CCSER1: variants seen among roughly 807,000 people sequenced by gnomAD.
The protein encoded by CCSER1 is coiled-coil serine rich protein 1.
CCSER1 carries 41 observed loss-of-function variants against 82.0 expected under a neutral mutation model. The ratio of observed to expected loss-of-function variants is 0.50; its 90% CI spans 0.39 to 0.65. CCSER1 has a LOEUF of 0.65. Ranked by LOEUF, CCSER1 falls within the 30% of genes least tolerant of loss-of-function variation. The pLI is 0.00. For missense variants in CCSER1, 1,119 were observed against 1,064.2 expected (o/e 1.05, Z -0.72); for synonymous variants, 414 against 383.9 (o/e 1.08, Z -0.92).
intron 1 of CCSER1, among the ~76,000 whole-genome samples, chr4:90,295,519 G>A (rs964932547): frequency 1.3e-5 from 2 of 151,764 alleles, no homozygotes; most frequent in Non-Finnish European, 2.9e-5. Flanking sequence ...GCTCATAGGA[G>A]TTCTTTCTAT....
chr4:91,346,528 G>A (rs1748072116), intron 10 of CCSER1, among the ~76,000 whole-genome samples: 1 of 152,140 alleles, frequency 6.6e-6, no homozygotes, highest in Non-Finnish European at 1.5e-5. Context: ...TGGATCCTAT[G>A]ATAAGAGTGT....
At chr4:91,488,921 A>G (rs536856316) in intron 10 of CCSER1, among the ~76,000 whole-genome samples, 2 of 152,212 alleles carry the variant, frequency 1.3e-5, no homozygotes, top group African/African-American at 2.4e-5. Flanking sequence ...AAACAAACAT[A>G]CAATTTGTTA....
chr4:91,366,346 C>G (rs1749615443), intron 10 of CCSER1, among the ~76,000 whole-genome samples: 1 of 152,156 alleles, frequency 6.6e-6, no homozygotes, highest in Admixed American at 6.5e-5. Flanking sequence ...CCTGCTAGGA[C>G]TTTGTCATAT....
chr4:90,864,121 C>T (rs1413829150), intron 8 of CCSER1, among the ~76,000 whole-genome samples: 7 of 151,636 alleles, frequency 4.6e-5, no homozygotes, highest in Admixed American at 4.6e-4. Context: ...GGGCTAGGAT[C>T]CTCCCATATT....
chr4:90,536,601 T>C (rs1027198158), intron 5 of CCSER1, among the ~76,000 whole-genome samples: 2 of 152,202 alleles, frequency 1.3e-5, no homozygotes, highest in Non-Finnish European at 2.9e-5. Context: ...TGACCTTGAT[T>C]ACTCTAAATG....
intron 10 of CCSER1, among the ~76,000 whole-genome samples, chr4:91,167,514 T>G (rs1187798981): frequency 6.6e-6 from 1 of 152,216 alleles, no homozygotes; most frequent in East Asian, 1.9e-4. Flanking sequence ...TTAAGTGCAA[T>G]ATCTTATTTT....
chr4:90,995,012 T>G (rs969980055), intron 9 of CCSER1, among the ~76,000 whole-genome samples: 1 of 152,194 alleles, frequency 6.6e-6, no homozygotes, highest in Non-Finnish European at 1.5e-5. Context: ...GCATCTGACA[T>G]GCTTTCCATT....
At chr4:91,322,740 A>G (rs1179394359) in intron 10 of CCSER1, among the ~76,000 whole-genome samples, 2 of 152,194 alleles carry the variant, frequency 1.3e-5, no homozygotes, top group Non-Finnish European at 1.5e-5. Flanking sequence ...AGTTTAAAAA[A>G]TAGATCTGAA....
chr4:91,171,254 G>A (rs1732720724), intron 10 of CCSER1, among the ~76,000 whole-genome samples: 1 of 152,110 alleles, frequency 6.6e-6, no homozygotes, highest in Non-Finnish European at 1.5e-5. Context: ...AAATAGGGCT[G>A]CATGTTTCAG....
At chr4:91,065,207 C>T (rs1720681671) in intron 9 of CCSER1, among the ~76,000 whole-genome samples, 1 of 152,008 alleles carries the variant, frequency 6.6e-6, no homozygotes, top group South Asian at 2.1e-4. Flanking sequence ...TAAGAAAGCT[C>T]CAGGAAGAAG....
intron 10 of CCSER1, among the ~76,000 whole-genome samples, chr4:91,312,575 T>A (rs1319005011): frequency 1.3e-5 from 2 of 151,696 alleles, no homozygotes; most frequent in Non-Finnish European, 2.9e-5. Flanking sequence ...ACTAAAAAAG[T>A]GCCCTCAAGA....
intron 7 of CCSER1, among the ~76,000 whole-genome samples, chr4:90,794,244 A>G (rs1423035965): frequency 2.6e-5 from 4 of 152,198 alleles, no homozygotes; most frequent in African/African-American, 9.6e-5. Flanking sequence ...GCCCATGCCT[A>G]TGTCCTGAAT....
intron 10 of CCSER1, among the ~76,000 whole-genome samples, chr4:91,200,973 T>C (rs988502442): frequency 4.6e-5 from 7 of 152,042 alleles, no homozygotes; most frequent in African/African-American, 1.7e-4. Context: ...AAATATCTGG[T>C]TGGCTAAATG....
chr4:91,157,282 T>G (rs2148967376), intron 10 of CCSER1, among the ~76,000 whole-genome samples: 1 of 152,036 alleles, frequency 6.6e-6, no homozygotes, highest in African/African-American at 2.4e-5. Flanking sequence ...TTTAAGAAAA[T>G]TTTGAGAAAG....
chr4:90,767,932 C>A (rs1417604229), intron 7 of CCSER1, among the ~76,000 whole-genome samples: 1 of 152,110 alleles, frequency 6.6e-6, no homozygotes, highest in Non-Finnish European at 1.5e-5. Flanking sequence ...GGAGTATAGG[C>A]ATGGGCCACC....
chr4:91,355,547 A>AT (rs1748764639), intron 10 of CCSER1, among the ~76,000 whole-genome samples: 6 of 152,104 alleles, frequency 3.9e-5, no homozygotes, highest in Admixed American at 3.9e-4. Context: ...GACTGTAGCA[A>AT]TTTTTTGTCC....
chr4:90,562,698 C>T (rs1168831564), intron 5 of CCSER1, among the ~76,000 whole-genome samples: 3 of 151,774 alleles, frequency 2.0e-5, no homozygotes, highest in Non-Finnish European at 4.4e-5. Flanking sequence ...CCACCACACC[C>T]AGCTAATTTT....
At chr4:91,408,861 G>C (rs1208426416) in intron 10 of CCSER1, among the ~76,000 whole-genome samples, 1 of 152,194 alleles carries the variant, frequency 6.6e-6, no homozygotes, top group African/African-American at 2.4e-5. Context: ...GATTAGATAT[G>C]ATGAATTTCA....
At chr4:90,470,014 T>C (rs1224169862) in intron 5 of CCSER1, among the ~76,000 whole-genome samples, 1 of 152,168 alleles carries the variant, frequency 6.6e-6, no homozygotes, top group Non-Finnish European at 1.5e-5. Flanking sequence ...TTTAGAACAT[T>C]GGGATTTTCA....
Sources: allele counts gnomAD v4.1 joint callset (sites outside exome capture counted in the v4.1 genomes callset), GRCh38; gene constraint gnomAD v4.1.1; transcripts MANE v1.5; gene names NCBI Gene and HGNC (gene_info 2026-07-23, HGNC 2026-07-21).